Variants in CNTNAP2 observed in about 807,000 individuals in gnomAD.
CNTNAP2 encodes contactin associated protein 2, also known as contactin-associated protein-like 2.
A neutral mutation model predicts 155.2 loss-of-function variants in CNTNAP2; 98 were observed. The observed-to-expected ratio is 0.63, with a 90% CI of 0.54 to 0.75. CNTNAP2 has a LOEUF of 0.75. Among genes scored for constraint, CNTNAP2 ranks in the 30% least tolerant of loss-of-function variants. The pLI, the probability that CNTNAP2 is intolerant of heterozygous loss-of-function variation, is 0.00. For synonymous variants in CNTNAP2, 651 were observed against 631.2 expected (o/e 1.03, Z -0.47); for missense variants, 1,727 against 1,688.1 (o/e 1.02, Z -0.40).
At chr7:147,783,377 A>G (rs1046526634) in intron 13 of CNTNAP2, among the ~76,000 whole-genome samples, 5 of 152,210 alleles carry the variant, frequency 3.3e-5, no homozygotes, top group Non-Finnish European at 7.3e-5. Context: ...AGTTGTATAG[A>G]AATTTAATAG....
chr7:146,294,590 G>A (rs1315026470), intron 1 of CNTNAP2, among the ~76,000 whole-genome samples: 1 of 152,168 alleles, frequency 6.6e-6, no homozygotes, highest in African/African-American at 2.4e-5. Context: ...ATATAATTGA[G>A]ATAATTACTT....
intron 20 of CNTNAP2, among the ~76,000 whole-genome samples, chr7:148,243,774 T>C (rs756463172): frequency 2.1e-5 from 3 of 146,202 alleles, no homozygotes; most frequent in Admixed American, 7.0e-5. Flanking sequence ...AAAGGAAATG[T>C]AATGTCAACT....
intron 1 of CNTNAP2, among the ~76,000 whole-genome samples, chr7:146,726,952 T>A (rs192710995): frequency 1.6e-4 from 25 of 152,272 alleles, no homozygotes; most frequent in African/African-American, 5.8e-4. Flanking sequence ...TAACCAGATA[T>A]ATTTACTTGC....
intron 8 of CNTNAP2, among the ~76,000 whole-genome samples, chr7:147,260,389 A>G (rs896292668): frequency 2.0e-5 from 3 of 152,246 alleles, no homozygotes; most frequent in African/African-American, 7.2e-5. Context: ...TATACCTCTG[A>G]GTCAAAGATT....
chr7:147,067,289 CAAAAAAAAA>C (rs36080849), intron 4 of CNTNAP2, among the ~76,000 whole-genome samples: 1 of 67,988 alleles, frequency 1.5e-5, no homozygotes, highest in African/African-American at 5.8e-5. Flanking sequence ...GACTCCGTCT[CAAAAAAAAA>C]AAAAAAAAAA....
chr7:147,112,193 A>C (rs892494615), intron 5 of CNTNAP2, among the ~76,000 whole-genome samples: 2 of 152,194 alleles, frequency 1.3e-5, no homozygotes, highest in Non-Finnish European at 2.9e-5. Context: ...GTTGGCTTAT[A>C]GGAATGCTTG....
intron 2 of CNTNAP2, among the ~76,000 whole-genome samples, chr7:146,814,695 G>A (rs1261504493): frequency 6.6e-6 from 1 of 151,966 alleles, no homozygotes; most frequent in Non-Finnish European, 1.5e-5. Flanking sequence ...TGACATGACT[G>A]GCTGTCTGGA....
At chr7:147,270,564 C>T (rs1007701745) in intron 8 of CNTNAP2, among the ~76,000 whole-genome samples, 37 of 152,132 alleles carry the variant, frequency 2.4e-4, no homozygotes, top group African/African-American at 7.2e-4. Flanking sequence ...GACTCTTAGC[C>T]CTGGCTGTAT....
At chr7:146,256,236 G>T (rs189021979) in intron 1 of CNTNAP2, among the ~76,000 whole-genome samples, 124 of 152,186 alleles carry the variant, frequency 8.1e-4, no homozygotes, top group Admixed American at 7.6e-3. Flanking sequence ...TGCCTATGAG[G>T]TAAGTTTCTA....
intron 13 of CNTNAP2, among the ~76,000 whole-genome samples, chr7:147,791,825 GTTC>G (rs535548677): frequency 3.4e-4 from 51 of 152,234 alleles, no homozygotes; most frequent in African/African-American, 1.2e-3. Flanking sequence ...CCATACACAT[GTTC>G]TTCTCTACGT....
intron 14 of CNTNAP2, among the ~76,000 whole-genome samples, chr7:147,913,610 C>T (rs558951069): frequency 6.6e-6 from 1 of 152,186 alleles, no homozygotes; most frequent in African/African-American, 2.4e-5. Flanking sequence ...AGGTTTCTAA[C>T]ATCAGTCTGG....
At chr7:147,098,987 G>A (rs1800600258) in intron 4 of CNTNAP2, among the ~76,000 whole-genome samples, 5 of 152,080 alleles carry the variant, frequency 3.3e-5, no homozygotes, top group African/African-American at 9.7e-5. Context: ...ACAGGGTGTA[G>A]ACCAGAGGTA....
At chr7:147,067,503 A>AT (rs1390367593) in intron 4 of CNTNAP2, among the ~76,000 whole-genome samples, 1 of 152,042 alleles carries the variant, frequency 6.6e-6, no homozygotes, top group Non-Finnish European at 1.5e-5. Flanking sequence ...AAAGAATGGT[A>AT]TTTTTTCATA....
At chr7:146,423,754 T>A (rs1322608727) in intron 1 of CNTNAP2, among the ~76,000 whole-genome samples, 1 of 152,218 alleles carries the variant, frequency 6.6e-6, no homozygotes, top group Non-Finnish European at 1.5e-5. Flanking sequence ...GCACTTAAAT[T>A]CATAAAAACA....
chr7:147,551,014 G>T (rs1467208290), intron 11 of CNTNAP2, among the ~76,000 whole-genome samples: 1 of 152,136 alleles, frequency 6.6e-6, no homozygotes, highest in Non-Finnish European at 1.5e-5. Flanking sequence ...TGACTAACTT[G>T]CATACACCAG....
At chr7:147,612,891 C>T (rs1189934717) in intron 12 of CNTNAP2, among the ~76,000 whole-genome samples, 1 of 152,088 alleles carries the variant, frequency 6.6e-6, no homozygotes, top group East Asian at 1.9e-4. Flanking sequence ...GTTTTATTTT[C>T]AAATATTTTA....
intron 8 of CNTNAP2, among the ~76,000 whole-genome samples, chr7:147,254,841 A>G (rs749710996): frequency 6.6e-6 from 1 of 152,158 alleles, no homozygotes; most frequent in Non-Finnish European, 1.5e-5. Context: ...ACTATCTTCT[A>G]TTTCGTGTTT....
intron 1 of CNTNAP2, among the ~76,000 whole-genome samples, chr7:146,294,012 C>T (rs766198971): frequency 6.6e-6 from 1 of 151,942 alleles, no homozygotes; most frequent in Non-Finnish European, 1.5e-5. Flanking sequence ...AAAAGATTTC[C>T]GTGACACCTT....
At chr7:146,917,682 G>A (rs1031994777) in intron 3 of CNTNAP2, among the ~76,000 whole-genome samples, 5 of 152,120 alleles carry the variant, frequency 3.3e-5, no homozygotes, top group African/African-American at 1.2e-4. Flanking sequence ...GAATCATGGG[G>A]TGGGTCTTTC....
Sources: allele counts gnomAD v4.1 joint callset (sites outside exome capture counted in the v4.1 genomes callset), GRCh38; gene constraint gnomAD v4.1.1; transcripts MANE v1.5; gene names NCBI Gene and HGNC (gene_info 2026-07-23, HGNC 2026-07-21).